Variants in BIRC6 observed in about 807,000 individuals in gnomAD.
BIRC6 encodes baculoviral IAP repeat containing 6, also known as dual E2 ubiquitin-conjugating enzyme/E3 ubiquitin-protein ligase BIRC6.
In BIRC6, 98 loss-of-function variants were observed where a neutral mutation model predicts 503.3. The observed-to-expected ratio is 0.19, with a 90% confidence interval of 0.17 to 0.23. BIRC6 has a LOEUF of 0.23. Among genes scored for constraint, BIRC6 ranks in the 10% least tolerant of loss-of-function variants. BIRC6 has a pLI of 1.00. For missense variants in BIRC6, 5,360 were observed against 5,806.0 expected (o/e 0.92, Z 2.50); for synonymous variants, 2,240 against 2,078.7 (o/e 1.08, Z -2.11).
At position 32,412,324 on chromosome 2, in the gene BIRC6, C is replaced by T. The variant is rs550637519; in HGVS notation, c.1478-2445C>T. Among the ~76,000 whole-genome samples, 79 of 152,006 alleles carry T rather than the reference C, an allele frequency of 5.2e-4. 1 individual carries two copies. The highest frequency in any genetic ancestry group is 1.8e-3 in the African/African-American group (76 of 41,468). On this transcript the variant is annotated intron_variant, in intron 9 of 73. Coordinates refer to ENST00000421745, the MANE Select transcript of BIRC6 (RefSeq NM_016252.4). ...CTAGCCGGACCAACATGGTGAAAAC[C>T]CATCTCTACTAAAAATACAAAAATT...
chr2:32,590,731 C>T (rs2061342003), intron 66 of BIRC6: 2 of 948,368 alleles, frequency 2.1e-6, no homozygotes, highest in Non-Finnish European at 1.3e-6. Context: ...TTGGAATTCA[C>T]AGCATAGTGG....
intron 12 of BIRC6, among the ~76,000 whole-genome samples, chr2:32,433,097 C>T (rs1185119425): frequency 6.6e-6 from 1 of 152,064 alleles, no homozygotes; most frequent in Non-Finnish European, 1.5e-5. Context: ...GGATAGCTTT[C>T]AGGTTTTGGC....
intron 59 of BIRC6, chr2:32,527,091 C>G (rs1292313078): frequency 1.3e-5 from 2 of 152,190 alleles, no homozygotes; most frequent in African/African-American, 4.8e-5. Flanking sequence ...TGTGCTAATG[C>G]AACTGGCATA....
intron 73 of BIRC6, among the ~76,000 whole-genome samples, chr2:32,616,421 A>ATG (rs1379590081): frequency 6.6e-6 from 1 of 151,990 alleles, no homozygotes; most frequent in East Asian, 1.9e-4. Context: ...TTAACTGGGC[A>ATG]TGGTGGTGCA....
chr2:32,543,221 A>C lies in BIRC6; in HGVS notation c.12292-20A>C. 6.2e-7 allele frequency: 1 copy of C among 1,608,510 alleles called. No homozygotes were observed. The highest frequency in any genetic ancestry group is 8.5e-7 in the Non-Finnish European group (1 of 1,175,896). On this transcript the variant is annotated intron_variant, in intron 61 of 73. Coordinates refer to ENST00000421745, the MANE Select transcript of BIRC6 (RefSeq NM_016252.4). ...GTTGAAAATGTGAATGGCCAAGCCAACACTTTTCTTTTTCTTTAGGTGAGT... is the reference window on the plus strand; with the variant it reads ...GTTGAAAATGTGAATGGCCAAGCCACCACTTTTCTTTTTCTTTAGGTGAGT...
intron 44 of BIRC6, among the ~76,000 whole-genome samples, chr2:32,492,499 AGATT>A (rs2149347927): frequency 6.6e-6 from 1 of 152,188 alleles, no homozygotes; most frequent in South Asian, 2.1e-4. Flanking sequence ...TTGTACTTAA[AGATT>A]GATTGAATTT....
intron 73 of BIRC6, among the ~76,000 whole-genome samples, chr2:32,617,202 C>T (rs775520706): frequency 6.6e-6 from 1 of 152,182 alleles, no homozygotes; most frequent in Non-Finnish European, 1.5e-5. Flanking sequence ...GAGATCAAGA[C>T]CAGCCTGGCC....
chr2:32,435,532 C>A lies in BIRC6; in HGVS notation c.3446C>A (p.Ser1149Tyr). 2 of 1,554,822 alleles carry A rather than the reference C, an allele frequency of 1.3e-6. No individual in the cohort carries two copies. The highest frequency in any genetic ancestry group is 1.7e-6 in the Non-Finnish European group (2 of 1,148,090). ...GAAGTGGAACAAAATGGGAAACCGT[C>A]CCTGGTTGATTTGAATGAAGAAATG... is the stretch of plus-strand genomic sequence containing the variant. The part of the protein sequence containing the change: ...NIEVEQNGKP[S>Y]LVDLNEEMQH... The change falls in exon 14 of 74, where the codon TCC (serine) becomes TAC (tyrosine). Residue 1149 changes from serine to tyrosine, a missense_variant. By Grantham distance (144) the Ser-to-Tyr change is moderately radical. This residue lies in a region of BIRC6 where 2,299 missense variants were observed against 2,267.2 expected (regional missense o/e 1.01). Coordinates refer to ENST00000421745, the MANE Select transcript of BIRC6 (RefSeq NM_016252.4).
intron 54 of BIRC6, among the ~76,000 whole-genome samples, chr2:32,514,250 G>GT (rs536835666): frequency 1.4e-4 from 22 of 152,068 alleles, no homozygotes; most frequent in Non-Finnish European, 1.9e-4. Context: ...GAACCCAGGA[G>GT]TTAGAGCCCA....
intron 45 of BIRC6, among the ~76,000 whole-genome samples, chr2:32,494,236 T>TC (rs1489487677): frequency 1.3e-5 from 2 of 151,994 alleles, no homozygotes; most frequent in Admixed American, 6.6e-5. Flanking sequence ...TGAAAACTTT[T>TC]TTTTTTTTTT....
intron 1 of BIRC6, among the ~76,000 whole-genome samples, chr2:32,369,972 A>G (rs1217848883): frequency 4.6e-5 from 3 of 64,920 alleles, no homozygotes; most frequent in South Asian, 6.1e-4. Flanking sequence ...ATATATATAT[A>G]TATATATATA....
chr2:32,448,682 G>T, intron 21 of BIRC6, 113 bp from the exon 22 acceptor site: 1 of 806,416 alleles, frequency 1.2e-6, no homozygotes, highest in Non-Finnish European at 1.9e-6. Context: ...GGGGAGAGGG[G>T]AGAGGGAGAG....
Position 32,530,608 on chromosome 2 carries a change from T to A in BIRC6, c.12095-747T>A, listed in dbSNP as rs544921497. ...TATTTGTTCCCCAATCATCGAAACA[T>A]TGTGGTTGTTTCCAATTTTTACTCC... On this transcript the variant is annotated intron_variant, in intron 60 of 73. Coordinates refer to ENST00000421745, the MANE Select transcript of BIRC6 (RefSeq NM_016252.4). Among the ~76,000 whole-genome samples, 4 of 24,442 alleles carry A rather than the reference T, an allele frequency of 1.6e-4. No homozygotes were observed. In the Admixed American group the frequency reaches 1.9e-3, roughly 11 times the overall value. The allele number at this position is 24,442 out of a possible 152,430, so 16.0% of individuals were successfully genotyped here.
At position 32,505,212 on chromosome 2, in the gene BIRC6, A is replaced by G; in HGVS notation, c.9700+7A>G. 6.5e-7 allele frequency: 1 copy of G among 1,539,906 alleles called. No individual in the cohort carries two copies. ...CATCTTGCATCTCTTGCAAGTGAGT[A>G]ATATTTTATAAAGAAGCATCATGAG... On this transcript the variant is annotated splice_region_variant and intron_variant, in intron 50 of 73. Coordinates refer to ENST00000421745, the MANE Select transcript of BIRC6 (RefSeq NM_016252.4).
rs920608723 is a variant in BIRC6 at position 32,441,402 on chromosome 2, T to C, written c.3884T>C (p.Leu1295Ser). 1.2e-6 allele frequency: 2 copies of C among 1,611,188 alleles called. No individual in the cohort carries two copies. Among genetic ancestry groups the C allele is most frequent in the Middle Eastern group, 3.3e-4 (2 of 6,052 alleles). ...RKSENLRGCDLLQEVSVTIRR... is the reference protein window; with the variant it reads ...RKSENLRGCDSLQEVSVTIRR... ...TCTGAAAACCTCCGGGGCTGTGATT[T>C]ACTTCAAGAGGTCTCAGTCACCATT... The change falls in exon 17 of 74, where the codon TTA becomes TCA. Residue 1295 changes from leucine (L) to serine (S), a missense_variant. Leu to Ser is a moderately radical substitution (Grantham distance 145, BLOSUM62 -2). Around this residue, in one of 16 missense-constraint regions of BIRC6, gnomAD observed 2,299 missense variants for 2,267.2 expected, o/e 1.01. Transcript: ENST00000421745.
intron 44 of BIRC6, 47 bp from the exon 45 acceptor site, chr2:32,493,493 A>C (rs373609793): frequency 3.3e-6 from 5 of 1,499,738 alleles, no homozygotes; most frequent in Non-Finnish European, 4.5e-6. Flanking sequence ...ATGATTTTTT[A>C]CATGTTACCA....
At chr2:32,537,170 G>A (rs911224065) in intron 61 of BIRC6, among the ~76,000 whole-genome samples, 1 of 152,072 alleles carries the variant, frequency 6.6e-6, no homozygotes, top group Non-Finnish European at 1.5e-5. Flanking sequence ...CTGAGACGAT[G>A]GGGTTTTCTA....
At position 32,482,572 on chromosome 2, in the gene BIRC6, A is replaced by G. The variant is rs768039808; in HGVS notation, c.7686A>G (p.Ser2562=). The G allele has an allele frequency of 7.4e-6, 12 of 1,613,888 alleles. No individual in the cohort carries two copies. In the South Asian group the frequency reaches 1.2e-4, roughly 16 times the overall value. The change falls in exon 39 of 74, where the codon TCA becomes TCG. Residue 2562 remains serine, a synonymous_variant. Transcript: ENST00000421745. ...EKNGSQTVSV[S]VSQALDARLE... The stretch of plus-strand genomic sequence containing the variant: ...ACGGATCACAGACAGTTAGCGTTTC[A>G]GTCTCTCAGGGTAAGTGTATGTTTA...
intron 55 of BIRC6, among the ~76,000 whole-genome samples, chr2:32,517,319 G>A (rs969291785): frequency 6.6e-6 from 1 of 152,150 alleles, no homozygotes; most frequent in African/African-American, 2.4e-5. Flanking sequence ...TCCATCCTGG[G>A]CGACAGAGCG....
Sources: gnomAD v4.1 joint callset for allele counts (sites outside exome capture counted in the v4.1 genomes callset) on GRCh38, gnomAD v4.1.1 for gene constraint, gnomAD v4.1.1 regional missense constraint, MANE v1.5 for transcripts, NCBI Gene and HGNC (gene_info 2026-07-23, HGNC 2026-07-21) for gene names.